The following CDC25C variants were observed in gnomAD, a reference collection of about 807,000 sequenced individuals.
CDC25C encodes cell division cycle 25C.
CDC25C carries 48 observed loss-of-function variants against 52.5 expected under a neutral mutation model. The observed-to-expected ratio is 0.91, with a 90% CI of 0.72 to 1.16. The LOEUF is 1.16. CDC25C is among the 50% of genes most tolerant of loss of function. The pLI is 0.00. For synonymous variants in CDC25C, 187 were observed against 206.5 expected (o/e 0.91, Z 0.81); for missense variants, 510 against 566.1 (o/e 0.90, Z 1.01).
chr5:138,334,227 C>T (rs1760576015), upstream of CDC25C, among the ~76,000 whole-genome samples: 1 of 152,096 alleles, frequency 6.6e-6, no homozygotes, highest in African/African-American at 2.4e-5. Flanking sequence ...AGCCACTGCG[C>T]CCGGCCGCCC....
intron 7 of CDC25C, among the ~76,000 whole-genome samples, chr5:138,297,894 G>T (rs991146937): frequency 1.3e-5 from 2 of 152,172 alleles, no homozygotes; most frequent in Admixed American, 1.3e-4. Flanking sequence ...AGAAAATCAT[G>T]CATTGCCTTG....
At chr5:138,328,315 A>G (rs1760061354) in intron 4 of CDC25C, among the ~76,000 whole-genome samples, 169 bp downstream of exon 4, 1 of 152,218 alleles carries the variant, frequency 6.6e-6, no homozygotes, top group Non-Finnish European at 1.5e-5. Flanking sequence ...TCACAACACT[A>G]TTTAGATGTG....
chr5:138,287,757 AG>A (rs1276873490), intron 10 of CDC25C, among the ~76,000 whole-genome samples: 1 of 152,254 alleles, frequency 6.6e-6, no homozygotes, highest in Non-Finnish European at 1.5e-5. Context: ...GCCTTTCTGA[AG>A]GGAACTTTGT....
intron 6 of CDC25C, 95 bp downstream of exon 6, chr5:138,325,720 G>C: frequency 1.2e-6 from 1 of 813,700 alleles, no homozygotes; most frequent in Admixed American, 2.4e-5. Flanking sequence ...TCTAGCATAC[G>C]AGGTATAAAC....
upstream of CDC25C, chr5:138,336,862 A>G (rs1760737232): frequency 6.7e-6 from 1 of 150,158 alleles, no homozygotes; most frequent in South Asian, 2.1e-4. Flanking sequence ...TTTTTCCTCT[A>G]CTCTTTTTCA....
At chr5:138,301,915 G>A (rs1386006735) in intron 7 of CDC25C, among the ~76,000 whole-genome samples, 1 of 151,910 alleles carries the variant, frequency 6.6e-6, no homozygotes, top group East Asian at 1.9e-4. Context: ...TGTAGGCCAA[G>A]CTGGCCTCGA....
Position 138,292,122 on chromosome 5 carries a change from T to C in CDC25C, c.616-6A>G, listed in dbSNP as rs755025829. 3.7e-6 allele frequency: 6 copies of C among 1,609,294 alleles called. No homozygotes were observed. Among genetic ancestry groups the C allele is most frequent in the Non-Finnish European group, 4.2e-6 (5 of 1,177,726 alleles). On this transcript the variant is annotated splice_region_variant and splice_polypyrimidine_tract_variant and intron_variant, in intron 7 of 13. Coordinates refer to ENST00000323760, the MANE Select transcript of CDC25C (RefSeq NM_001790.5). Reference sequence around the variant, plus strand: ...TATAGGCCACTTCTGCTCACCTGTTTGGGAATATTAAACCCCCTAGTTCTT... The same window carrying C: ...TATAGGCCACTTCTGCTCACCTGTTCGGGAATATTAAACCCCCTAGTTCTT...
At chr5:138,324,322 T>A (rs1488656400) in intron 6 of CDC25C, among the ~76,000 whole-genome samples, 1 of 152,004 alleles carries the variant, frequency 6.6e-6, no homozygotes. Context: ...GGATTGCTAA[T>A]GAAAATGTAA....
chr5:138,292,215 T>C, intron 7 of CDC25C, 99 bp from the exon 8 acceptor site: 1 of 942,580 alleles, frequency 1.1e-6, no homozygotes. Context: ...AAATGCAGGT[T>C]TCCAGATGTT....
intron 7 of CDC25C, among the ~76,000 whole-genome samples, chr5:138,305,293 T>C (rs535012768): frequency 6.6e-6 from 1 of 152,342 alleles, no homozygotes; most frequent in African/African-American, 2.4e-5. Flanking sequence ...CTCCCACTTG[T>C]GGAGATCTTC....
chr5:138,318,379 T>C (rs1759070411), intron 7 of CDC25C, among the ~76,000 whole-genome samples: 1 of 152,058 alleles, frequency 6.6e-6, no homozygotes, highest in Non-Finnish European at 1.5e-5. Context: ...TAGCATTTAG[T>C]AGAGTGACTC....
Position 138,292,014 on chromosome 5 carries a change from T to C in CDC25C, c.718A>G (p.Lys240Glu), listed in dbSNP as rs1288214587. ...CCAGAAAAATACTTTTTTTTAACTT[T>C]ATCTGGTATTGTGTTGTCCTTGAAT... ...EKFKDNTIPD[K>E]VKKKYFSGQG... Residue 240 changes from lysine (K) to glutamate (E), a missense_variant, in exon 8 of 14, where the codon AAA (lysine) becomes GAA (glutamate). Coordinates refer to ENST00000323760, the MANE Select transcript of CDC25C (RefSeq NM_001790.5). The C allele has an allele frequency of 5.0e-6, 8 of 1,611,310 alleles. No individual in the cohort carries two copies. The highest frequency in any genetic ancestry group is 6.8e-6 in the Non-Finnish European group (8 of 1,178,642).
intron 7 of CDC25C, among the ~76,000 whole-genome samples, chr5:138,293,735 C>T (rs552726756): frequency 3.3e-4 from 50 of 151,674 alleles, no homozygotes; most frequent in South Asian, 6.3e-4. Context: ...CAACCTCTGC[C>T]TCTCAGGCTC....
At position 138,285,563 on chromosome 5, in the gene CDC25C, T is replaced by G; in HGVS notation, c.*129A>C. 1 of 831,610 alleles carries G rather than the reference T, an allele frequency of 1.2e-6. No individual in the cohort carries two copies. The highest frequency in any genetic ancestry group is 1.6e-5 in the South Asian group (1 of 62,140). 51.5% of individuals were successfully genotyped at this position (831,610 alleles called of 1,614,324 possible). On this transcript the variant is annotated 3_prime_UTR_variant, in exon 14 of 14. Coordinates refer to ENST00000323760, the MANE Select transcript of CDC25C (RefSeq NM_001790.5). ...TCCATTCCCAGGCCTGGATACAAGT[T>G]GGTAGCCTGTTGGTTTGCAGAGACA...
In CDC25C at chr5:138,319,237, C is replaced by G; in HGVS notation, c.597G>C (p.Leu199=). 6.2e-7 allele frequency: 1 copy of G among 1,612,888 alleles called. No individual in the cohort carries two copies. Among genetic ancestry groups the G allele is most frequent in the Non-Finnish European group, 8.5e-7 (1 of 1,179,498 alleles). The part of the protein sequence containing the change: ...EISDELMEFS[L]KDQEAKVSRS... ...ACTTTACCTTTGCTTCTTGATCTTT[C>G]AGGGAAAACTCCATTAATTCATCTG... Residue 199 remains leucine (L), a synonymous_variant, in exon 7 of 14, where the codon CTG becomes CTC. Transcript: ENST00000323760.
chr5:138,287,556 C>T (rs778775650), intron 10 of CDC25C, among the ~76,000 whole-genome samples: 9 of 152,172 alleles, frequency 5.9e-5, no homozygotes, highest in Admixed American at 2.0e-4. Flanking sequence ...TCAGGAGATG[C>T]CCAAGGACTT....
At chr5:138,321,767 A>C (rs1277650707) in intron 6 of CDC25C, among the ~76,000 whole-genome samples, 12 of 149,404 alleles carry the variant, frequency 8.0e-5, no homozygotes, top group Non-Finnish European at 1.6e-4. Flanking sequence ...AAAAAAAAAA[A>C]AAAAAAAAAA....
chr5:138,331,862 C>T (rs1006781324), upstream of CDC25C: 32 of 985,684 alleles, frequency 3.2e-5, no homozygotes, highest in African/African-American at 4.5e-4. Flanking sequence ...AACCTATCCC[C>T]GCTCGCCTCT....
intron 2 of CDC25C, among the ~76,000 whole-genome samples, chr5:138,329,883 A>C (rs1334160255): frequency 6.6e-6 from 1 of 151,882 alleles, no homozygotes; most frequent in East Asian, 1.9e-4. Flanking sequence ...GGCGCCTGCC[A>C]CCACGCCCAG....
Sources: allele counts gnomAD v4.1 joint callset (sites outside exome capture counted in the v4.1 genomes callset), GRCh38; gene constraint gnomAD v4.1.1; transcripts MANE v1.5; gene names NCBI Gene and HGNC (gene_info 2026-07-23, HGNC 2026-07-21).